DTNA: variants seen among roughly 807,000 people sequenced by gnomAD.
DTNA encodes dystrobrevin alpha.
A neutral mutation model predicts 100.7 loss-of-function variants in DTNA; 43 were observed. The ratio of observed to expected loss-of-function variants is 0.43; its 90% CI spans 0.33 to 0.55. The LOEUF is 0.55. DTNA is among the 20% of genes least tolerant of loss of function. The pLI is 0.04. For synonymous variants in DTNA, 349 were observed against 347.9 expected (o/e 1.00, Z -0.04); for missense variants, 798 against 953.9 (o/e 0.84, Z 2.15).
Position 34,822,920 on chromosome 18 carries a change from T to C in DTNA, c.1001+2005T>C, listed in dbSNP as rs113397046. On this transcript the variant is annotated intron_variant, in intron 9 of 22. Coordinates refer to ENST00000444659, the MANE Select transcript of DTNA (RefSeq NM_001386795.1). ...AATCAAAATACTGATCTCTACTCAC[T>C]GATAACATATTTTCCCAGGATGAAA... 6.6e-3 allele frequency among the ~76,000 whole-genome samples: 998 copies of C among 152,328 alleles called. 15 individuals carry two copies. Among genetic ancestry groups the C allele is most frequent in the African/African-American group, 0.022 (934 of 41,574 alleles).
chr18:34,567,474 TTTA>T (rs1306414553), intron 1 of DTNA, among the ~76,000 whole-genome samples: 2 of 152,172 alleles, frequency 1.3e-5, no homozygotes, highest in Non-Finnish European at 2.9e-5. Flanking sequence ...AAAATTTTGT[TTTA>T]TAAATACTTT....
chr18:34,557,232 C>T (rs1470738305), intron 1 of DTNA, among the ~76,000 whole-genome samples: 2 of 144,108 alleles, frequency 1.4e-5, no homozygotes, highest in Non-Finnish European at 3.0e-5. Context: ...CTCCTTTAAG[C>T]ACTTCTCTGT....
intron 1 of DTNA, among the ~76,000 whole-genome samples, chr18:34,676,643 T>G (rs1288372141): frequency 6.6e-6 from 1 of 152,150 alleles, no homozygotes; most frequent in Admixed American, 6.5e-5. Flanking sequence ...GAGACCAGCC[T>G]GGGCAACATA....
intron 1 of DTNA, among the ~76,000 whole-genome samples, chr18:34,573,441 T>G (rs1288307397): frequency 1.3e-5 from 2 of 152,216 alleles, no homozygotes; most frequent in African/African-American, 4.8e-5. Flanking sequence ...GAACATGCAT[T>G]AGTCTCAATA....
intron 1 of DTNA, among the ~76,000 whole-genome samples, chr18:34,494,433 G>C (rs2038955619): frequency 6.6e-6 from 1 of 152,118 alleles, no homozygotes; most frequent in African/African-American, 2.4e-5. Context: ...TGCCCACTTC[G>C]AAGTTTTCTG....
rs532032048 is a variant in DTNA at position 34,754,419 on chromosome 18, C to A, written c.-1-1557C>A. 4.6e-5 allele frequency among the ~76,000 whole-genome samples: 7 copies of A among 152,260 alleles called. No individual in the cohort carries two copies. In the South Asian group the frequency reaches 1.0e-3, roughly 23 times the overall value. ...CTTAATTGCTTTTATGCTTCGGTAT[C>A]TCTGCCACTACAGTATAAGCACCTT... is the stretch of plus-strand genomic sequence containing the variant. On this transcript the variant is annotated intron_variant, in intron 1 of 22. Transcript: ENST00000444659.
At chr18:34,650,511 CT>C (rs2060321522) in intron 1 of DTNA, among the ~76,000 whole-genome samples, 1 of 152,060 alleles carries the variant, frequency 6.6e-6, no homozygotes, top group Non-Finnish European at 1.5e-5. Flanking sequence ...AGATCCTTTC[CT>C]TTTTCGACAC....
At chr18:34,836,563 A>G (rs546285967) in intron 11 of DTNA, among the ~76,000 whole-genome samples, 2 of 149,888 alleles carry the variant, frequency 1.3e-5, no homozygotes, top group Admixed American at 1.3e-4. Context: ...CAGGAGAATC[A>G]CTTGAACCTT....
At chr18:34,848,918 A>G (rs1258617416) in intron 14 of DTNA, among the ~76,000 whole-genome samples, 1 of 152,228 alleles carries the variant, frequency 6.6e-6, no homozygotes, top group East Asian at 1.9e-4. Context: ...AAAGAGTGGC[A>G]GGGGAGCAAG....
chr18:34,842,057 A>G (rs928849622), intron 13 of DTNA, among the ~76,000 whole-genome samples: 22 of 152,262 alleles, frequency 1.4e-4, no homozygotes, highest in African/African-American at 5.3e-4. Flanking sequence ...TTGCAGGAGA[A>G]GGAGTCTGAA....
At chr18:34,871,010 G>A (rs770330772) in intron 17 of DTNA, among the ~76,000 whole-genome samples, 8 of 152,228 alleles carry the variant, frequency 5.3e-5, no homozygotes, top group Non-Finnish European at 1.2e-4. Context: ...TGGAAGAAAG[G>A]ATAAAAACAG....
chr18:34,808,359 C>T (rs1459845405), intron 5 of DTNA, among the ~76,000 whole-genome samples: 4 of 152,306 alleles, frequency 2.6e-5, no homozygotes, highest in Admixed American at 6.5e-5. Flanking sequence ...GGAGTCACAT[C>T]TCACTACAGA....
chr18:34,790,414 C>T (rs1181107089), intron 3 of DTNA, among the ~76,000 whole-genome samples: 1 of 145,388 alleles, frequency 6.9e-6, no homozygotes, highest in Non-Finnish European at 1.5e-5. Context: ...AATGTTGACG[C>T]CAAGGTATAG....
At chr18:34,493,791 G>A (rs2038821445) in intron 1 of DTNA, 6 of 148,936 alleles carry the variant, frequency 4.0e-5, no homozygotes, top group Admixed American at 4.0e-4. Flanking sequence ...AAAGTCAAGA[G>A]TGGAAGCGGG....
At chr18:34,511,964 TG>T (rs1568564425) in intron 1 of DTNA, among the ~76,000 whole-genome samples, 1 of 152,136 alleles carries the variant, frequency 6.6e-6, no homozygotes, top group South Asian at 2.1e-4. Flanking sequence ...TTCTGTTATT[TG>T]GGGGGATTTT....
chr18:34,846,432 G>A (rs2096379525), intron 13 of DTNA, among the ~76,000 whole-genome samples: 1 of 152,040 alleles, frequency 6.6e-6, no homozygotes, highest in African/African-American at 2.4e-5. Context: ...GATGCTTTTT[G>A]CATACATTAT....
chr18:34,890,079 C>T lies in DTNA; in HGVS notation c.*2345C>T. ...ACGTGGCACTCCACCACTGACTGGACCGAGCTGGCATATGTTGTTTCTTTG... is the reference window on the plus strand; with the variant it reads ...ACGTGGCACTCCACCACTGACTGGATCGAGCTGGCATATGTTGTTTCTTTG... On this transcript the variant is annotated 3_prime_UTR_variant, in exon 23 of 23. Transcript: ENST00000444659. 1.5e-6 allele frequency: 2 copies of T among 1,371,192 alleles called. No homozygotes were observed. The highest frequency in any genetic ancestry group is 2.9e-5 in the African/African-American group (2 of 68,560). The allele number at this position is 1,371,192 out of a possible 1,614,324, so 84.9% of individuals were successfully genotyped here. A position where few individuals can be genotyped will look rare whatever the true frequency, so the allele number is the denominator to read the frequency against.
chr18:34,554,832 TTC>T (rs1370931754), intron 1 of DTNA, among the ~76,000 whole-genome samples: 1 of 150,650 alleles, frequency 6.6e-6, no homozygotes, highest in Non-Finnish European at 1.5e-5. Flanking sequence ...TGGTCTAAAA[TTC>T]TCTTTTTTGA....
intron 1 of DTNA, among the ~76,000 whole-genome samples, chr18:34,552,344 T>C (rs1357556652): frequency 6.6e-6 from 1 of 152,016 alleles, no homozygotes; most frequent in East Asian, 1.9e-4. Flanking sequence ...ACGGGCCCAG[T>C]TGCTAGTTTT....
Sources: allele counts gnomAD v4.1 joint callset (sites outside exome capture counted in the v4.1 genomes callset), GRCh38; gene constraint gnomAD v4.1.1; transcripts MANE v1.5; gene names NCBI Gene and HGNC (gene_info 2026-07-23, HGNC 2026-07-21).